The following TUSC3 variants were observed in gnomAD, a reference collection of about 807,000 sequenced individuals.
TUSC3 encodes the protein dolichyl-diphosphooligosaccharide--protein glycosyltransferase subunit TUSC3.
A neutral mutation model predicts 44.8 loss-of-function variants in TUSC3; 45 were observed. That is an observed-to-expected ratio of 1.00 (90% CI 0.79 to 1.29). The LOEUF is 1.29. Ranked by LOEUF, TUSC3 falls within the 50% of genes most tolerant of loss-of-function variation. The probability of loss-of-function intolerance (pLI) is 0.00; values close to 1 mark genes in which losing one functional copy is unlikely to be tolerated. For missense variants in TUSC3, 519 were observed against 437.9 expected (o/e 1.19, Z -1.65); for synonymous variants, 212 against 152.9 (o/e 1.39, Z -2.85).
intron 2 of TUSC3, among the ~76,000 whole-genome samples, chr8:15,518,021 C>T (rs1433800324): frequency 6.6e-6 from 1 of 151,912 alleles, no homozygotes; most frequent in African/African-American, 2.4e-5. Flanking sequence ...CCTGTTCCTA[C>T]CTCCTCCTTA....
At chr8:15,604,040 A>G (rs948012025) in intron 1 of TUSC3, among the ~76,000 whole-genome samples, 1 of 151,704 alleles carries the variant, frequency 6.6e-6, no homozygotes, top group African/African-American at 2.4e-5. Context: ...TAATATATTA[A>G]TATGATGGGG....
chr8:15,655,984 G>A (rs928070678), intron 3 of TUSC3, among the ~76,000 whole-genome samples: 1 of 152,100 alleles, frequency 6.6e-6, no homozygotes, highest in Non-Finnish European at 1.5e-5. Context: ...CCCTTTGGAA[G>A]GGCTAACTGC....
the TUSC3 span, among the ~76,000 whole-genome samples, chr8:15,798,013 A>G: frequency 6.6e-6 from 1 of 152,226 alleles, no homozygotes; most frequent in East Asian, 1.9e-4. Flanking sequence ...TCCTTTCCCT[A>G]AGATGCTATA....
chr8:15,693,697 C>A (rs1362076535), intron 6 of TUSC3, among the ~76,000 whole-genome samples: 1 of 151,886 alleles, frequency 6.6e-6, no homozygotes, highest in African/African-American at 2.4e-5. Flanking sequence ...GCCTCTCTGG[C>A]AAGCTTGGGG....
chr8:15,731,153 A>T (rs551405317), intron 7 of TUSC3, among the ~76,000 whole-genome samples: 1 of 152,160 alleles, frequency 6.6e-6, no homozygotes. Flanking sequence ...GAGTGGTTCA[A>T]CATGCCTTTT....
In TUSC3 at chr8:15,690,593, G is replaced by T. The variant is rs1446942299; in HGVS notation, c.798+16757G>T. ...CTTTGCCAGATCCCATCTCCAGAAT[G>T]GTATTTCCTGTGTTATCTTCTAGGA... On this transcript the variant is annotated intron_variant, in intron 6 of 10. Coordinates refer to ENST00000503731, the MANE Select transcript of TUSC3 (RefSeq NM_006765.4). Among the ~76,000 whole-genome samples, 5 of 152,108 alleles carry T rather than the reference G, an allele frequency of 3.3e-5. No individual in the cohort carries two copies. The East Asian group carries it at 9.7e-4, about 29-fold the overall frequency.
the TUSC3 span, among the ~76,000 whole-genome samples, chr8:15,799,272 C>T: frequency 2.6e-5 from 4 of 152,164 alleles, no homozygotes; most frequent in Admixed American, 6.5e-5. Context: ...AACCAGCCAG[C>T]GCTCTAACAA....
At chr8:15,770,766 A>C (rs1248644612), downstream of TUSC3, among the ~76,000 whole-genome samples, 2 of 152,154 alleles carry the variant, frequency 1.3e-5, no homozygotes, top group Non-Finnish European at 2.9e-5. Context: ...ATATGAACAC[A>C]GACCAAAAGA....
chr8:15,610,614 C>G (rs1418665285), intron 1 of TUSC3, among the ~76,000 whole-genome samples: 2 of 152,136 alleles, frequency 1.3e-5, no homozygotes, highest in Non-Finnish European at 2.9e-5. Flanking sequence ...ACAGTTGTTA[C>G]TTCGAAATAT....
chr8:15,796,562 C>CA, the TUSC3 span, among the ~76,000 whole-genome samples: 1 of 152,198 alleles, frequency 6.6e-6, no homozygotes, highest in Non-Finnish European at 1.5e-5. Context: ...TCAACAGCCC[C>CA]AGCAGCCTTG....
intron 6 of TUSC3, among the ~76,000 whole-genome samples, chr8:15,675,997 G>C (rs1247774645): frequency 6.6e-6 from 1 of 152,066 alleles, no homozygotes; most frequent in African/African-American, 2.4e-5. Context: ...TAAGTTCTTT[G>C]AGACATCTCC....
chr8:15,651,828 A>C (rs1048589757), intron 3 of TUSC3, among the ~76,000 whole-genome samples: 1 of 152,162 alleles, frequency 6.6e-6, no homozygotes, highest in Non-Finnish European at 1.5e-5. Context: ...CGATTGGAAC[A>C]CTCATTATCA....
intron 1 of TUSC3, among the ~76,000 whole-genome samples, chr8:15,601,495 A>G (rs1804286915): frequency 6.6e-6 from 1 of 151,772 alleles, no homozygotes; most frequent in African/African-American, 2.4e-5. Context: ...CAAAACTGAG[A>G]TGCTTTCTTT....
intron 5 of TUSC3, among the ~76,000 whole-genome samples, chr8:15,671,512 A>G (rs1807945306): frequency 6.6e-6 from 1 of 152,004 alleles, no homozygotes; most frequent in African/African-American, 2.4e-5. Context: ...GTTGTTTCTT[A>G]TGAAAAGTGC....
At chr8:15,435,704 A>T (rs1241333543) in intron 1 of TUSC3, among the ~76,000 whole-genome samples, 2 of 152,190 alleles carry the variant, frequency 1.3e-5, no homozygotes, top group Non-Finnish European at 1.5e-5. Context: ...CTCACCTTAC[A>T]TTTGAGCATA....
the TUSC3 span, among the ~76,000 whole-genome samples, chr8:15,771,983 G>T: frequency 6.6e-6 from 1 of 152,098 alleles, no homozygotes; most frequent in African/African-American, 2.4e-5. Context: ...CAGCTACCTG[G>T]GAGGCTGAGG....
At chr8:15,689,824 G>A (rs1450004821) in intron 6 of TUSC3, among the ~76,000 whole-genome samples, 1 of 25,152 alleles carries the variant, frequency 4.0e-5, no homozygotes, top group Non-Finnish European at 6.6e-5. Context: ...AGTCCATGGT[G>A]TGTGTGTGTG....
intron 7 of TUSC3, among the ~76,000 whole-genome samples, chr8:15,738,107 G>A (rs535671385): frequency 6.6e-6 from 1 of 152,194 alleles, no homozygotes; most frequent in East Asian, 1.9e-4. Flanking sequence ...ACGGCTCACT[G>A]CTCTTTTCTT....
At chr8:15,541,162 A>G (rs551861281) in intron 1 of TUSC3, among the ~76,000 whole-genome samples, 1 of 152,212 alleles carries the variant, frequency 6.6e-6, no homozygotes, top group Admixed American at 6.5e-5. Context: ...AACTCAGTGT[A>G]TACTTGTGAA....
Sources: allele counts gnomAD v4.1 joint callset (sites outside exome capture counted in the v4.1 genomes callset), GRCh38; gene constraint gnomAD v4.1.1; transcripts MANE v1.5; gene names NCBI Gene and HGNC (gene_info 2026-07-23, HGNC 2026-07-21).